TOX: variants seen among roughly 807,000 people sequenced by gnomAD.
The protein encoded by TOX is thymocyte selection-associated high mobility group box protein TOX.
TOX carries 11 observed loss-of-function variants against 53.7 expected under a neutral mutation model. The ratio of observed to expected loss-of-function variants is 0.20; its 90% CI spans 0.13 to 0.34. The LOEUF is 0.34. Ranked by LOEUF, TOX falls within the 10% of genes least tolerant of loss-of-function variation. The pLI, the probability that TOX is intolerant of heterozygous loss-of-function variation, is 1.00. For synonymous variants in TOX, 225 were observed against 245.3 expected (o/e 0.92, Z 0.77); for missense variants, 570 against 664.6 (o/e 0.86, Z 1.56).
At chr8:58,931,930 T>C (rs570257831) in intron 3 of TOX, among the ~76,000 whole-genome samples, 5 of 152,174 alleles carry the variant, frequency 3.3e-5, no homozygotes, top group Non-Finnish European at 7.4e-5. Context: ...AATTGGCTCC[T>C]TTCCTGAATA....
At chr8:58,977,520 T>C (rs1198051603) in intron 1 of TOX, among the ~76,000 whole-genome samples, 1 of 152,252 alleles carries the variant, frequency 6.6e-6, no homozygotes, top group African/African-American at 2.4e-5. Context: ...GACTTTTCCT[T>C]TGCATTCACA....
At chr8:58,891,782 T>G (rs952993308) in intron 3 of TOX, among the ~76,000 whole-genome samples, 1 of 152,226 alleles carries the variant, frequency 6.6e-6, no homozygotes, top group African/African-American at 2.4e-5. Context: ...GAAGCAACTC[T>G]GCTTTCTCAT....
chr8:58,954,151 T>C (rs1013140514), intron 2 of TOX, among the ~76,000 whole-genome samples: 1 of 152,186 alleles, frequency 6.6e-6, no homozygotes, highest in African/African-American at 2.4e-5. Context: ...TCTAGTTTAT[T>C]ATCATGTTAA....
intron 1 of TOX, among the ~76,000 whole-genome samples, chr8:58,988,745 T>A (rs1277518180): frequency 6.6e-6 from 1 of 152,242 alleles, no homozygotes; most frequent in African/African-American, 2.4e-5. Flanking sequence ...TATGCCAATG[T>A]GCACAGGAAA....
At chr8:58,871,197 A>G (rs1811191570) in intron 3 of TOX, among the ~76,000 whole-genome samples, 1 of 150,950 alleles carries the variant, frequency 6.6e-6, no homozygotes, top group South Asian at 2.1e-4. Context: ...AAAAAGCTAC[A>G]TCCCATTTGC....
At chr8:59,110,636 A>G (rs1804999163) in intron 1 of TOX, among the ~76,000 whole-genome samples, 1 of 151,872 alleles carries the variant, frequency 6.6e-6, no homozygotes, top group Admixed American at 6.6e-5. Context: ...GTTATTCTCC[A>G]CTTTTATCTT....
At chr8:59,061,683 A>G (rs1803987431) in intron 1 of TOX, among the ~76,000 whole-genome samples, 1 of 150,452 alleles carries the variant, frequency 6.6e-6, no homozygotes, top group South Asian at 2.1e-4. Flanking sequence ...AATAAAGCCC[A>G]CTCCTTTATG....
intron 1 of TOX, among the ~76,000 whole-genome samples, chr8:59,090,297 T>C (rs1804587605): frequency 6.6e-6 from 1 of 152,190 alleles, no homozygotes; most frequent in Non-Finnish European, 1.5e-5. Context: ...CTGAATTAAA[T>C]TATCTGCATA....
chr8:58,938,650 G>A lies in TOX; in HGVS notation c.411+652C>T, dbSNP rs138192012. Among the ~76,000 whole-genome samples the A allele has an allele frequency of 7.3e-3, 1,104 of 152,216 alleles. 54 individuals are homozygous for A. The highest frequency in any genetic ancestry group is 0.066 in the Admixed American group (1,014 of 15,292). The stretch of plus-strand genomic sequence containing the variant: ...AAATATACAAACCACTGGACTCCCT[G>A]GGTAGAGCCTGAGAATTTGATTTTT... On this transcript the variant is annotated intron_variant, in intron 3 of 8. Coordinates refer to ENST00000361421, the MANE Select transcript of TOX (RefSeq NM_014729.3).
At chr8:58,913,789 A>G (rs1467982973) in intron 3 of TOX, among the ~76,000 whole-genome samples, 3 of 96,826 alleles carry the variant, frequency 3.1e-5, no homozygotes, top group African/African-American at 1.0e-4. Flanking sequence ...AGTCTAAAAA[A>G]TATTTATTGC....
intron 1 of TOX, among the ~76,000 whole-genome samples, chr8:59,049,194 G>T (rs915272707): frequency 4.0e-5 from 6 of 151,660 alleles, no homozygotes; most frequent in Non-Finnish European, 7.4e-5. Context: ...AAGTCAGTTT[G>T]CTCTTTCAAC....
chr8:59,103,595 A>T (rs1563447520), intron 1 of TOX, among the ~76,000 whole-genome samples: 1 of 152,226 alleles, frequency 6.6e-6, no homozygotes, highest in Non-Finnish European at 1.5e-5. Flanking sequence ...AGGCAGTTCC[A>T]GGGATCTTCG....
At chr8:58,961,453 T>C (rs1563401726) in intron 1 of TOX, among the ~76,000 whole-genome samples, 1 of 152,290 alleles carries the variant, frequency 6.6e-6, no homozygotes, top group East Asian at 1.9e-4. Context: ...CTGGGTGTTT[T>C]GGTTGCTCTG....
intron 3 of TOX, among the ~76,000 whole-genome samples, chr8:58,859,624 T>C (rs1810974278): frequency 6.6e-6 from 1 of 152,182 alleles, no homozygotes; most frequent in Non-Finnish European, 1.5e-5. Context: ...AACCACCATC[T>C]TCAGAGAAGA....
intron 3 of TOX, among the ~76,000 whole-genome samples, chr8:58,879,553 C>T (rs1344799986): frequency 6.6e-6 from 1 of 151,974 alleles, no homozygotes; most frequent in Admixed American, 6.6e-5. Flanking sequence ...AACAAATATA[C>T]TTCATTATAA....
intron 1 of TOX, among the ~76,000 whole-genome samples, chr8:59,030,068 G>A (rs754646626): frequency 3.0e-4 from 45 of 152,160 alleles, no homozygotes; most frequent in Middle Eastern, 3.4e-3. Context: ...AATGAACCCC[G>A]CTGATTCCAT....
intron 3 of TOX, among the ~76,000 whole-genome samples, chr8:58,909,878 G>A (rs1044008896): frequency 1.3e-5 from 2 of 151,986 alleles, no homozygotes; most frequent in East Asian, 1.9e-4. Flanking sequence ...GGCTGGTCTC[G>A]AACTCCTGAC....
At chr8:59,106,187 C>T (rs556046531) in intron 1 of TOX, among the ~76,000 whole-genome samples, 2 of 152,038 alleles carry the variant, frequency 1.3e-5, no homozygotes, top group African/African-American at 4.8e-5. Context: ...ATATATCCTT[C>T]CTTCCCTCCC....
intron 1 of TOX, among the ~76,000 whole-genome samples, chr8:59,107,740 C>A (rs934040797): frequency 3.3e-5 from 5 of 151,978 alleles, no homozygotes; most frequent in Non-Finnish European, 5.9e-5. Context: ...GGGCACAGTG[C>A]GATATTTAGA....
Sources: gnomAD v4.1 joint callset for allele counts (sites outside exome capture counted in the v4.1 genomes callset) on GRCh38, gnomAD v4.1.1 for gene constraint, MANE v1.5 for transcripts, NCBI Gene and HGNC (gene_info 2026-07-23, HGNC 2026-07-21) for gene names.